THEMIS: variants seen among roughly 807,000 people sequenced by gnomAD.
THEMIS encodes the protein protein THEMIS.
A neutral mutation model predicts 52.6 loss-of-function variants in THEMIS; 37 were observed. That is an observed-to-expected ratio of 0.70 (90% CI 0.54 to 0.93). The LOEUF (loss-of-function observed/expected upper bound fraction) is 0.93. Among genes scored for constraint, THEMIS ranks in the 40% least tolerant of loss-of-function variants. The pLI is 0.00. For missense variants in THEMIS, 808 were observed against 763.1 expected (o/e 1.06, Z -0.69); for synonymous variants, 292 against 272.7 (o/e 1.07, Z -0.70).
intron 1 of THEMIS, among the ~76,000 whole-genome samples, chr6:127,858,803 A>G (rs1779701556): frequency 6.6e-6 from 1 of 152,154 alleles, no homozygotes; most frequent in Non-Finnish European, 1.5e-5. Context: ...ATCCAAGTCA[A>G]AGCATATGTA....
Position 127,813,051 on chromosome 6 carries a change from A to G in THEMIS, c.1590T>C (p.Thr530=), listed in dbSNP as rs187200871. 6.2e-7 allele frequency: 1 copy of G among 1,614,090 alleles called. No homozygotes were observed. Among genetic ancestry groups the G allele is most frequent in the Non-Finnish European group, 8.5e-7 (1 of 1,180,022 alleles). The change falls in exon 4 of 6, where the codon ACT becomes ACC. Residue 530 remains threonine (T), a synonymous_variant. Coordinates refer to ENST00000368248, the MANE Select transcript of THEMIS (RefSeq NM_001010923.3). ...SRDAEPFLVR[T]LVEEITEEQY... The stretch of plus-strand genomic sequence containing the variant: ...GCTCTTCAGTGATCTCTTCTACCAG[A>G]GTCCTGACTAGAAATGGTTCTGCAT...
chr6:127,766,444 C>G (rs1323355650), intron 4 of THEMIS, among the ~76,000 whole-genome samples: 1 of 152,108 alleles, frequency 6.6e-6, no homozygotes, highest in African/African-American at 2.4e-5. Flanking sequence ...GAGTTAGCCT[C>G]CTTTGTATTC....
chr6:127,859,844 T>C (rs1779737698), intron 1 of THEMIS, among the ~76,000 whole-genome samples: 2 of 152,160 alleles, frequency 1.3e-5, no homozygotes, highest in Admixed American at 1.3e-4. Flanking sequence ...AAAGTATGGC[T>C]GATAGTGTCT....
Position 127,835,762 on chromosome 6 carries a change from G to C in THEMIS, c.251-5828C>G, listed in dbSNP as rs1778855628. On this transcript the variant is annotated intron_variant, in intron 2 of 5. Coordinates refer to ENST00000368248, the MANE Select transcript of THEMIS (RefSeq NM_001010923.3). ...AGATTGAGCAAAAATTTCCAGGAATGATAATTTCCACAGATTTCACCAGCA... is the reference window on the plus strand; with the variant it reads ...AGATTGAGCAAAAATTTCCAGGAATCATAATTTCCACAGATTTCACCAGCA... Among the ~76,000 whole-genome samples, 2 of 152,132 alleles carry C rather than the reference G, an allele frequency of 1.3e-5. 1 individual carries two copies. Among genetic ancestry groups the C allele is most frequent in the South Asian group, 4.1e-4 (2 of 4,828 alleles).
At chr6:127,915,176 A>G (rs1781494696) in intron 1 of THEMIS, among the ~76,000 whole-genome samples, 1 of 149,876 alleles carries the variant, frequency 6.7e-6, no homozygotes. Flanking sequence ...GGTTTATCAT[A>G]CTTCCCCTTT....
At chr6:127,902,572 G>C (rs984315249), upstream of THEMIS, among the ~76,000 whole-genome samples, 1 of 151,982 alleles carries the variant, frequency 6.6e-6, no homozygotes, top group Non-Finnish European at 1.5e-5. Context: ...TTATAAAACT[G>C]TTTCAACTCT....
At chr6:127,728,216 T>C (rs1281591439) in intron 4 of THEMIS, among the ~76,000 whole-genome samples, 1 of 152,176 alleles carries the variant, frequency 6.6e-6, no homozygotes, top group East Asian at 1.9e-4. Context: ...CTCACGATCT[T>C]GGATTCTAAC....
At chr6:127,820,764 C>A (rs1302281269) in intron 3 of THEMIS, among the ~76,000 whole-genome samples, 2 of 152,016 alleles carry the variant, frequency 1.3e-5, no homozygotes, top group African/African-American at 2.4e-5. Flanking sequence ...ATTACTCTCT[C>A]ATGTCTGCTA....
intron 4 of THEMIS, among the ~76,000 whole-genome samples, chr6:127,779,268 G>A (rs1270982046): frequency 6.6e-6 from 1 of 152,076 alleles, no homozygotes; most frequent in East Asian, 1.9e-4. Context: ...ATTAAACAAT[G>A]ATAAAATATA....
intron 5 of THEMIS, among the ~76,000 whole-genome samples, chr6:127,715,957 G>T (rs1383391480): frequency 6.6e-6 from 1 of 151,950 alleles, no homozygotes; most frequent in Non-Finnish European, 1.5e-5. Context: ...GGTTGTGGCA[G>T]AACTGGGACT....
intron 3 of THEMIS, among the ~76,000 whole-genome samples, chr6:127,828,700 A>G (rs1016883220): frequency 2.0e-5 from 3 of 152,230 alleles, no homozygotes; most frequent in African/African-American, 7.2e-5. Flanking sequence ...CACACCTGTA[A>G]TCCCAGCACT....
At chr6:127,829,113 C>T (rs1457180855) in intron 3 of THEMIS, among the ~76,000 whole-genome samples, 1 of 152,098 alleles carries the variant, frequency 6.6e-6, no homozygotes, top group Non-Finnish European at 1.5e-5. Context: ...TGTTGACCAC[C>T]TCCATACAAG....
chr6:127,709,836 A>C lies in THEMIS; in HGVS notation c.*149T>G. 1 of 655,748 alleles carries C rather than the reference A, an allele frequency of 1.5e-6. No individual in the cohort carries two copies. The highest frequency in any genetic ancestry group is 2.6e-6 in the Non-Finnish European group (1 of 387,826). The allele number at this position is 655,748 out of a possible 1,614,324, so 40.6% of individuals were successfully genotyped here. On this transcript the variant is annotated 3_prime_UTR_variant, in exon 6 of 6. Transcript: ENST00000368248. ...GGTTTCTGTAAGTTTTATCTGTTAA[A>C]AGTTTTAAGGTTGTTCTTTCCTTTG... is the stretch of plus-strand genomic sequence containing the variant.
At chr6:127,848,482 T>A (rs1357821622) in intron 2 of THEMIS, among the ~76,000 whole-genome samples, 3 of 151,938 alleles carry the variant, frequency 2.0e-5, no homozygotes, top group Non-Finnish European at 4.4e-5. Flanking sequence ...TAGTTCTAGA[T>A]CCCTGAAGAA....
At position 127,814,595 on chromosome 6, in the gene THEMIS, A is replaced by G. The variant is rs937278981; in HGVS notation, c.710-664T>C. Among the ~76,000 whole-genome samples the G allele has an allele frequency of 2.6e-5, 4 of 152,272 alleles. No homozygotes were observed. The South Asian group carries it at 8.3e-4, about 32-fold the overall frequency. On this transcript the variant is annotated intron_variant, in intron 3 of 5. Coordinates refer to ENST00000368248, the MANE Select transcript of THEMIS (RefSeq NM_001010923.3). The stretch of plus-strand genomic sequence containing the variant: ...TCTTTCTCCACTGGTGTTATATTAT[A>G]CCTGCCTACCAAAGGAGTGGTGCAG...
intron 1 of THEMIS, among the ~76,000 whole-genome samples, chr6:127,863,191 G>A (rs1232083782): frequency 6.6e-6 from 1 of 152,148 alleles, no homozygotes; most frequent in Non-Finnish European, 1.5e-5. Context: ...AAATGAGTTT[G>A]AATTTCATTT....
intron 1 of THEMIS, among the ~76,000 whole-genome samples, chr6:127,895,971 A>C (rs1360345399): frequency 6.6e-6 from 1 of 151,532 alleles, no homozygotes; most frequent in Non-Finnish European, 1.5e-5. Context: ...AACAAAAAAA[A>C]ATAGTAAGCC....
intron 3 of THEMIS, among the ~76,000 whole-genome samples, chr6:127,822,220 G>C (rs1414778865): frequency 6.6e-6 from 1 of 151,870 alleles, no homozygotes; most frequent in East Asian, 1.9e-4. Flanking sequence ...AAAAATTTCT[G>C]AGCTCTGCCT....
Position 127,709,918 on chromosome 6 carries a change from G to C in THEMIS, c.*67C>G. The C allele has an allele frequency of 6.9e-7, 1 of 1,441,088 alleles. No individual in the cohort carries two copies. The highest frequency in any genetic ancestry group is 2.3e-5 in the East Asian group (1 of 43,208). 89.3% of individuals were successfully genotyped at this position (1,441,088 alleles called of 1,614,324 possible). ...TTGGGGAATACTCGTTTTTCAGCTA[G>C]AAGGCTAGCTTCTTTTTTCACTGCA... is the stretch of plus-strand genomic sequence containing the variant. On this transcript the variant is annotated 3_prime_UTR_variant, in exon 6 of 6. Transcript: ENST00000368248.
Sources: gnomAD v4.1 joint callset for allele counts (sites outside exome capture counted in the v4.1 genomes callset) on GRCh38, gnomAD v4.1.1 for gene constraint, MANE v1.5 for transcripts, NCBI Gene and HGNC (gene_info 2026-07-23, HGNC 2026-07-21) for gene names.